The following MCTP1 variants were observed in gnomAD, a reference collection of about 807,000 sequenced individuals.
MCTP1 encodes multiple C2 and transmembrane domain containing 1.
Under a neutral mutation model 120.6 loss-of-function variants are expected in MCTP1, and 69 were observed. The ratio of observed to expected loss-of-function variants is 0.57; its 90% CI spans 0.47 to 0.70. MCTP1 has a LOEUF of 0.70. Among genes scored for constraint, MCTP1 ranks in the 30% least tolerant of loss-of-function variants. The pLI is 0.00. For synonymous variants in MCTP1, 529 were observed against 493.1 expected, an observed-to-expected ratio of 1.07 and a Z score of -0.96; for missense variants, 1,203 against 1,248.8, an observed-to-expected ratio of 0.96 and a Z score of 0.55.
intron 7 of MCTP1, among the ~76,000 whole-genome samples, chr5:94,921,817 G>A (rs1211314744): frequency 2.0e-5 from 3 of 152,156 alleles, no homozygotes. Context: ...CTGAAGAAAA[G>A]GGTCAAATAA....
intron 19 of MCTP1, among the ~76,000 whole-genome samples, chr5:94,743,547 G>A (rs1414799213): frequency 6.6e-6 from 1 of 152,136 alleles, no homozygotes; most frequent in Non-Finnish European, 1.5e-5. Flanking sequence ...CATGGAGAGG[G>A]CATCCCAGTC....
At chr5:94,774,195 A>G (rs10057277) in intron 19 of MCTP1, among the ~76,000 whole-genome samples, 29,648 of 35,552 alleles carry the variant, frequency 0.83, 12,827 homozygotes, top group African/African-American at 0.92. Context: ...GCGACAGAGC[A>G]AGACTCCGTC....
intron 2 of MCTP1, among the ~76,000 whole-genome samples, chr5:94,953,858 T>C (rs2153535669): frequency 9.0e-6 from 1 of 111,168 alleles, no homozygotes; most frequent in East Asian, 2.1e-4. Context: ...ACTATATATA[T>C]GCATATATAT....
At chr5:94,792,664 A>T (rs1779225875) in intron 18 of MCTP1, 1 of 152,994 alleles carries the variant, frequency 6.5e-6, no homozygotes, top group Admixed American at 6.5e-5. Flanking sequence ...AACACTGCAT[A>T]CTCCAAAACA....
chr5:95,102,205 C>T (rs1309575654), intron 1 of MCTP1, among the ~76,000 whole-genome samples: 2 of 152,046 alleles, frequency 1.3e-5, no homozygotes, highest in African/African-American at 4.8e-5. Context: ...TGTTAATGCT[C>T]TTGAAAACTT....
At chr5:94,921,189 T>G (rs1205756361) in intron 7 of MCTP1, among the ~76,000 whole-genome samples, 1 of 152,242 alleles carries the variant, frequency 6.6e-6, no homozygotes, top group Non-Finnish European at 1.5e-5. Context: ...CTTAATCTGA[T>G]TCACATAATT....
chr5:95,153,168 C>A (rs138668960), intron 1 of MCTP1, among the ~76,000 whole-genome samples: 2 of 152,242 alleles, frequency 1.3e-5, no homozygotes, highest in East Asian at 3.9e-4. Flanking sequence ...GGGGGTGGTT[C>A]TCCCATGCTG....
intron 17 of MCTP1, among the ~76,000 whole-genome samples, chr5:94,838,221 T>C (rs1790245993): frequency 6.6e-6 from 1 of 152,228 alleles, no homozygotes; most frequent in Non-Finnish European, 1.5e-5. Flanking sequence ...CCCAGCATCT[T>C]TCCTGCCAGA....
rs974214615 is a variant in MCTP1 at position 94,888,237 on chromosome 5, A to G, written c.1933+642T>C. ...TCTGGAAATTGATGGAATAATTGCC[A>G]TCAGCCTGTTTGTTAATATGTTACA... is the stretch of plus-strand genomic sequence containing the variant. On this transcript the variant is annotated intron_variant, in intron 12 of 22. Coordinates refer to ENST00000515393, the MANE Select transcript of MCTP1 (RefSeq NM_024717.7). Among the ~76,000 whole-genome samples the G allele has an allele frequency of 2.6e-5, 4 of 152,244 alleles. No individual in the cohort carries two copies. The South Asian group carries it at 8.3e-4, about 31-fold the overall frequency.
At chr5:94,976,073 C>T (rs189052121) in intron 2 of MCTP1, among the ~76,000 whole-genome samples, 1 of 152,276 alleles carries the variant, frequency 6.6e-6, no homozygotes, top group East Asian at 1.9e-4. Context: ...TTATGTCCCA[C>T]TCCCTTATTC....
chr5:95,199,191 A>T (rs1031418425), intron 1 of MCTP1, among the ~76,000 whole-genome samples: 5 of 152,164 alleles, frequency 3.3e-5, no homozygotes, highest in Admixed American at 2.0e-4. Context: ...ATTATTAAAC[A>T]CCTTATTTTA....
chr5:94,948,357 T>G (rs1360708258), intron 3 of MCTP1, among the ~76,000 whole-genome samples: 1 of 152,206 alleles, frequency 6.6e-6, no homozygotes, highest in Non-Finnish European at 1.5e-5. Flanking sequence ...AAGATGTGAT[T>G]GCGGATTTCA....
chr5:95,118,248 G>A (rs1032305644), intron 1 of MCTP1, among the ~76,000 whole-genome samples: 5 of 151,996 alleles, frequency 3.3e-5, no homozygotes, highest in Non-Finnish European at 7.4e-5. Context: ...AAAATAAAGA[G>A]GTTAAGGTGT....
chr5:95,207,110 A>C (rs1751711278), intron 1 of MCTP1, among the ~76,000 whole-genome samples: 1 of 152,216 alleles, frequency 6.6e-6, no homozygotes, highest in South Asian at 2.1e-4. Flanking sequence ...TGTTTTGTGA[A>C]CATGACCAGA....
At chr5:95,281,999 C>G (rs1582728848) in intron 1 of MCTP1, among the ~76,000 whole-genome samples, 1 of 152,226 alleles carries the variant, frequency 6.6e-6, no homozygotes, top group East Asian at 1.9e-4. Flanking sequence ...CATCTACTAA[C>G]TACGTGACCC....
intron 1 of MCTP1, among the ~76,000 whole-genome samples, chr5:95,041,127 A>G (rs1312710512): frequency 6.6e-6 from 1 of 152,090 alleles, no homozygotes; most frequent in African/African-American, 2.4e-5. Context: ...AATAGCTAAC[A>G]CTGATGGAAC....
intron 2 of MCTP1, among the ~76,000 whole-genome samples, chr5:94,999,230 G>A (rs965864739): frequency 6.6e-6 from 1 of 152,156 alleles, no homozygotes; most frequent in African/African-American, 2.4e-5. Flanking sequence ...CTTATTTCAT[G>A]AAGGAACATA....
At chr5:94,900,348 C>T (rs868654403) in intron 10 of MCTP1, among the ~76,000 whole-genome samples, 1 of 152,192 alleles carries the variant, frequency 6.6e-6, no homozygotes, top group South Asian at 2.1e-4. Context: ...ACGTGGCACA[C>T]CAACTGGAAC....
intron 2 of MCTP1, among the ~76,000 whole-genome samples, 164 bp downstream of exon 2, chr5:95,017,203 A>G (rs1475995409): frequency 6.6e-6 from 1 of 152,140 alleles, no homozygotes; most frequent in Non-Finnish European, 1.5e-5. Flanking sequence ...GTCTTCCACC[A>G]TGGTCACAGG....
Sources: gnomAD v4.1 joint callset for allele counts (sites outside exome capture counted in the v4.1 genomes callset) on GRCh38, gnomAD v4.1.1 for gene constraint, MANE v1.5 for transcripts, NCBI Gene and HGNC (gene_info 2026-07-23, HGNC 2026-07-21) for gene names.